Variants in ZNF891 observed in about 807,000 individuals in gnomAD.
The protein encoded by ZNF891 is hCG1646157.
For synonymous variants in ZNF891, 199 were observed against 209.0 expected (o/e 0.95, Z 0.41); for missense variants, 589 against 632.7 (o/e 0.93, Z 0.74).
chr12:133,106,732 A>G lies in ZNF891; in HGVS notation c.*13552T>C. On this transcript the variant is annotated 3_prime_UTR_variant, in exon 2 of 2. Transcript: ENST00000537226. The stretch of plus-strand genomic sequence containing the variant: ...ATGCCTTACTTCAGAGAACTCTTGG[A>G]AAGAAGCCTTATGTGAAAGTGATGA... The G allele has an allele frequency of 7.8e-7, 1 of 1,288,504 alleles. No homozygotes were observed. Among genetic ancestry groups the G allele is most frequent in the Non-Finnish European group, 1.1e-6 (1 of 952,062 alleles). 79.8% of individuals were successfully genotyped at this position (1,288,504 alleles called of 1,614,324 possible).
In ZNF891 at chr12:133,120,470, AGT is replaced by A. The variant is rs1566335114; in HGVS notation, c.1447_1448del (p.Thr483TrpfsTer6). 11 of 1,603,940 alleles carry A rather than the reference AGT, an allele frequency of 6.9e-6. No homozygotes were observed. The East Asian group carries it at 1.8e-4, about 26-fold the overall frequency. The stretch of plus-strand genomic sequence containing the variant: ...CCTTACATTCATAGGGTTTCTCTCC[AGT>A]GTGAGTTCTTATATGCATTCTAAGG... ...SSLRMHIRTH[T>X]GEKPYECKEC... On this transcript the variant is annotated frameshift_variant, in exon 2 of 2. Transcript: ENST00000537226. LOFTEE classifies it low-confidence loss of function (END_TRUNC).
chr12:133,108,649 T>C lies in ZNF891; in HGVS notation c.*11635A>G. ...TTGGCCAACCCCTGACTACATCAAATCTTTGCCCTCTAGTTTTTGTTGAGT... is the reference window on the plus strand; with the variant it reads ...TTGGCCAACCCCTGACTACATCAAACCTTTGCCCTCTAGTTTTTGTTGAGT... On this transcript the variant is annotated 3_prime_UTR_variant, in exon 2 of 2. Transcript: ENST00000537226. The C allele has an allele frequency of 6.6e-6, 1 of 152,286 alleles. No individual in the cohort carries two copies. The highest frequency in any genetic ancestry group is 1.5e-5 in the Non-Finnish European group (1 of 68,046). The allele number at this position is 152,286 out of a possible 1,614,324, so 9.4% of individuals were successfully genotyped here. A position where few individuals can be genotyped will look rare whatever the true frequency, so the allele number is the denominator to read the frequency against.
Position 133,120,456 on chromosome 12 carries a change from T to C in ZNF891, c.1463A>G (p.Tyr488Cys), listed in dbSNP as rs759279556. 17 of 1,605,268 alleles carry C rather than the reference T, an allele frequency of 1.1e-5. No individual in the cohort carries two copies. The Admixed American group carries it at 1.4e-4, about 13-fold the overall frequency. ...HIRTHTGEKPYECKECRKAFS... is the reference protein window; with the variant it reads ...HIRTHTGEKPCECKECRKAFS... ...GGCTTTCCTACATTCCTTACATTCATAGGGTTTCTCTCCAGTGTGAGTTCT... is the reference window on the plus strand; with the variant it reads ...GGCTTTCCTACATTCCTTACATTCACAGGGTTTCTCTCCAGTGTGAGTTCT... Residue 488 changes from tyrosine (Y) to cysteine (C), a missense_variant, in exon 2 of 2, where the codon TAT becomes TGT. Physicochemically the swap from Tyr to Cys is radical, Grantham distance 194 (BLOSUM62 -2). Coordinates refer to ENST00000537226, the MANE Select transcript of ZNF891 (RefSeq NM_001277291.2).
intron 1 of ZNF891, among the ~76,000 whole-genome samples, chr12:133,128,612 C>CGA (rs879496829): frequency 2.6e-4 from 39 of 151,866 alleles, no homozygotes; most frequent in Middle Eastern, 6.8e-3. Flanking sequence ...CCCGCCTGGG[C>CGA]GAGAGAGAGA....
rs1185996974 is a variant in ZNF891 at position 133,110,396 on chromosome 12, G to A, written c.*9888C>T. 2.6e-5 allele frequency: 4 copies of A among 152,158 alleles called. No individual in the cohort carries two copies. The highest frequency in any genetic ancestry group is 9.7e-5 in the African/African-American group (4 of 41,438). The allele number at this position is 152,158 out of a possible 1,614,324, so 9.4% of individuals were successfully genotyped here. On this transcript the variant is annotated 3_prime_UTR_variant, in exon 2 of 2. Coordinates refer to ENST00000537226, the MANE Select transcript of ZNF891 (RefSeq NM_001277291.2). ...AGGAAAAAAAAGTTTTTTAAAAGAA[G>A]TCTCCCAAAAGGTTATTAAAACTAA...
At chr12:133,127,384 A>C (rs1457040209) in intron 1 of ZNF891, among the ~76,000 whole-genome samples, 1 of 152,248 alleles carries the variant, frequency 6.6e-6, no homozygotes, top group Non-Finnish European at 1.5e-5. Flanking sequence ...AAAGAGCTCC[A>C]AGAGATGATA....
rs11614903 is a variant in ZNF891 at position 133,116,356 on chromosome 12, G to A, written c.*3928C>T. On this transcript the variant is annotated 3_prime_UTR_variant, in exon 2 of 2. Coordinates refer to ENST00000537226, the MANE Select transcript of ZNF891 (RefSeq NM_001277291.2). Reference sequence around the variant, plus strand: ...CCTGACCTCGTGATCCGCCTGCCTCGGCCTCCCAAAGTGCTGGGATTAGAA... The same window carrying A: ...CCTGACCTCGTGATCCGCCTGCCTCAGCCTCCCAAAGTGCTGGGATTAGAA... The A allele has an allele frequency of 0.19, 28,733 of 152,150 alleles. 3,478 individuals carry two copies. Among genetic ancestry groups the A allele is most frequent in the Non-Finnish European group, 0.26 (17,996 of 68,178 alleles). 9.4% of individuals were successfully genotyped at this position (152,150 alleles called of 1,614,324 possible). A position where few individuals can be genotyped will look rare whatever the true frequency, so the allele number is the denominator to read the frequency against.
chr12:133,112,282 T>C lies in ZNF891; in HGVS notation c.*8002A>G, dbSNP rs1271417961. ...AAGAAGGAGCTCCCTACTCCTTCTT[T>C]AACTTCGTATTTCAAGTTAAATGTT... On this transcript the variant is annotated 3_prime_UTR_variant, in exon 2 of 2. Coordinates refer to ENST00000537226, the MANE Select transcript of ZNF891 (RefSeq NM_001277291.2). 3.3e-5 allele frequency: 5 copies of C among 152,144 alleles called. No individual in the cohort carries two copies. The highest frequency in any genetic ancestry group is 7.3e-5 in the Non-Finnish European group (5 of 68,058). 9.4% of individuals were successfully genotyped at this position (152,144 alleles called of 1,614,324 possible).
Position 133,125,462 on chromosome 12 carries a change from G to A in ZNF891, c.-106-3438C>T, listed in dbSNP as rs1027581914. On this transcript the variant is annotated intron_variant, in intron 1 of 1. Coordinates refer to ENST00000537226, the MANE Select transcript of ZNF891 (RefSeq NM_001277291.2). The stretch of plus-strand genomic sequence containing the variant: ...AAGATTTGCTTCAAAATAGAACAAT[G>A]GGGCCTTTTTCACAAGATGGCACTG... The A allele has an allele frequency of 3.2e-5, 5 of 156,262 alleles. No individual in the cohort carries two copies. In the East Asian group the frequency reaches 7.6e-4, roughly 24 times the overall value. The allele number at this position is 156,262 out of a possible 1,614,324, so 9.7% of individuals were successfully genotyped here. A position where few individuals can be genotyped will look rare whatever the true frequency, so the allele number is the denominator to read the frequency against.
At position 133,117,478 on chromosome 12, in the gene ZNF891, C is replaced by T. The variant is rs1408875466; in HGVS notation, c.*2806G>A. ...TAAATAAATAAACAAGTAATTTAAA[C>T]CAACCCACCCATTTTTCTACTCCTG... On this transcript the variant is annotated 3_prime_UTR_variant, in exon 2 of 2. Transcript: ENST00000537226. 6.6e-6 allele frequency: 1 copy of T among 152,190 alleles called. No homozygotes were observed. The highest frequency in any genetic ancestry group is 1.5e-5 in the Non-Finnish European group (1 of 68,028). The allele number at this position is 152,190 out of a possible 1,614,324, so 9.4% of individuals were successfully genotyped here. A position where few individuals can be genotyped will look rare whatever the true frequency, so the allele number is the denominator to read the frequency against.
chr12:133,115,416 A>AAAAAAAAAAAAAAAAAAAAAAAAAATG lies in ZNF891; in HGVS notation c.*4867_*4868insCATTTTTTTTTTTTTTTTTTTTTTTTT, dbSNP rs1955710657. On this transcript the variant is annotated 3_prime_UTR_variant, in exon 2 of 2. Coordinates refer to ENST00000537226, the MANE Select transcript of ZNF891 (RefSeq NM_001277291.2). ...AAAAAAAAAAAAAAAAAAAAAAAAA[A>AAAAAAAAAAAAAAAAAAAAAAAAAATG]GATGTGGGATAAAAGGTATAACTCA... is the stretch of plus-strand genomic sequence containing the variant. The AAAAAAAAAAAAAAAAAAAAAAAAAATG allele has an allele frequency of 6.9e-6, 1 of 145,322 alleles. No individual in the cohort carries two copies. Among genetic ancestry groups the AAAAAAAAAAAAAAAAAAAAAAAAAATG allele is most frequent in the Non-Finnish European group, 1.5e-5 (1 of 65,854 alleles). The allele number at this position is 145,322 out of a possible 1,614,324, so 9.0% of individuals were successfully genotyped here.
chr12:133,106,679 T>C lies in ZNF891; in HGVS notation c.*13605A>G. On this transcript the variant is annotated 3_prime_UTR_variant, in exon 2 of 2. Coordinates refer to ENST00000537226, the MANE Select transcript of ZNF891 (RefSeq NM_001277291.2). Reference sequence around the variant, plus strand: ...TTACACTGCAAAGAAAAACTATGAATGTATGGAATTTTTTAAAAAGAAGTA... The same window carrying C: ...TTACACTGCAAAGAAAAACTATGAACGTATGGAATTTTTTAAAAAGAAGTA... The C allele has an allele frequency of 6.6e-7, 1 of 1,512,996 alleles. No individual in the cohort carries two copies. The highest frequency in any genetic ancestry group is 8.8e-7 in the Non-Finnish European group (1 of 1,136,480). 93.7% of individuals were successfully genotyped at this position (1,512,996 alleles called of 1,614,324 possible).
Position 133,106,228 on chromosome 12 carries a change from T to G in ZNF891, c.*14056A>C. 6.2e-7 allele frequency: 1 copy of G among 1,614,158 alleles called. No homozygotes were observed. The highest frequency in any genetic ancestry group is 8.5e-7 in the Non-Finnish European group (1 of 1,180,024). ...CATTTCGCCGTTTCTCACACCTTAC[T>G]CGACATCAGAGCATCCATACAACCA... On this transcript the variant is annotated 3_prime_UTR_variant, in exon 2 of 2. Transcript: ENST00000537226.
At position 133,111,628 on chromosome 12, in the gene ZNF891, AAAATC is replaced by A. The variant is rs1367108737; in HGVS notation, c.*8651_*8655del. 1 of 152,268 alleles carries A rather than the reference AAAATC, an allele frequency of 6.6e-6. No homozygotes were observed. The highest frequency in any genetic ancestry group is 1.5e-5 in the Non-Finnish European group (1 of 68,048). 9.4% of individuals were successfully genotyped at this position (152,268 alleles called of 1,614,324 possible). On this transcript the variant is annotated 3_prime_UTR_variant, in exon 2 of 2. Transcript: ENST00000537226. The stretch of plus-strand genomic sequence containing the variant: ...ATATTGCATCAAAAAATATTTTAGA[AAAATC>A]AAAACTCCCATGAAACTGTGCTCAT...
rs1593818999 is a variant in ZNF891 at position 133,108,550 on chromosome 12, A to T, written c.*11734T>A. On this transcript the variant is annotated 3_prime_UTR_variant, in exon 2 of 2. Coordinates refer to ENST00000537226, the MANE Select transcript of ZNF891 (RefSeq NM_001277291.2). ...TCATTTACATAGTCTATGGCTCCTT[A>T]CCTCTATAACTGAAGAGTTTAATAT... 1 of 151,994 alleles carries T rather than the reference A, an allele frequency of 6.6e-6. No individual in the cohort carries two copies. Among genetic ancestry groups the T allele is most frequent in the Non-Finnish European group, 1.5e-5 (1 of 68,014 alleles). 9.4% of individuals were successfully genotyped at this position (151,994 alleles called of 1,614,324 possible). A position where few individuals can be genotyped will look rare whatever the true frequency, so the allele number is the denominator to read the frequency against.
At position 133,106,544 on chromosome 12, in the gene ZNF891, A is replaced by G. The variant is rs1279575263; in HGVS notation, c.*13740T>C. 3.7e-6 allele frequency: 6 copies of G among 1,614,044 alleles called. No individual in the cohort carries two copies. The highest frequency in any genetic ancestry group is 5.1e-6 in the Non-Finnish European group (6 of 1,180,012). On this transcript the variant is annotated 3_prime_UTR_variant, in exon 2 of 2. Coordinates refer to ENST00000537226, the MANE Select transcript of ZNF891 (RefSeq NM_001277291.2). ...ATGTAAGGTATGCAACAAATCCTTCAGCTGGAGCTCAAACCTTGCTAAACA... is the reference window on the plus strand; with the variant it reads ...ATGTAAGGTATGCAACAAATCCTTCGGCTGGAGCTCAAACCTTGCTAAACA...
rs943786992 is a variant in ZNF891, at chr12:133,106,431, A to T, written c.*13853T>A. 2.5e-5 allele frequency: 41 copies of T among 1,613,986 alleles called. No individual in the cohort carries two copies. In the South Asian group the frequency reaches 4.4e-4, roughly 17 times the overall value. ...AAGAGTCACACTGGAGAGAAACCCT[A>T]TGCGTGTGCTGAATGTGATAAAGCC... On this transcript the variant is annotated 3_prime_UTR_variant, in exon 2 of 2. Coordinates refer to ENST00000537226, the MANE Select transcript of ZNF891 (RefSeq NM_001277291.2).
intron 1 of ZNF891, among the ~76,000 whole-genome samples, chr12:133,129,659 T>C (rs983550169): frequency 1.2e-4 from 19 of 152,154 alleles, no homozygotes; most frequent in Admixed American, 3.9e-4. Context: ...AAATTATTCA[T>C]GAAGCTTGTA....
Position 133,120,493 on chromosome 12 carries a change from T to C in ZNF891, c.1426A>G (p.Arg476Gly). Residue 476 changes from arginine (R) to glycine (G), a missense_variant, in exon 2 of 2, where the codon AGA (arginine) becomes GGA (glycine). Arg to Gly is a moderately radical substitution (Grantham distance 125). Coordinates refer to ENST00000537226, the MANE Select transcript of ZNF891 (RefSeq NM_001277291.2). ...GKVFSGVSSL[R>G]MHIRTHTGEK... ...CCAGTGTGAGTTCTTATATGCATTC[T>C]AAGGGATGAGACCCCACTGAAAACT... 6.3e-7 allele frequency: 1 copy of C among 1,595,010 alleles called. No homozygotes were observed. The highest frequency in any genetic ancestry group is 8.5e-7 in the Non-Finnish European group (1 of 1,171,246).
Sources: gnomAD v4.1 joint callset for allele counts (sites outside exome capture counted in the v4.1 genomes callset) on GRCh38, gnomAD v4.1.1 for gene constraint, MANE v1.5 for transcripts, NCBI Gene and HGNC (gene_info 2026-07-23, HGNC 2026-07-21) for gene names.